The following RRP36 variants were observed in gnomAD, a reference collection of about 807,000 sequenced individuals.
The protein encoded by RRP36 is ribosomal RNA processing protein 36 homolog.
A neutral mutation model predicts 39.8 loss-of-function variants in RRP36; 44 were observed. That is an observed-to-expected ratio of 1.10 (90% CI 0.87 to 1.42). The LOEUF is 1.42. Among genes scored for constraint, RRP36 ranks in the 40% most tolerant of loss-of-function variants. RRP36 has a pLI of 0.00. For synonymous variants in RRP36, 124 were observed against 123.1 expected, an observed-to-expected ratio of 1.01 and a Z score of -0.05; for missense variants, 316 against 322.4, an observed-to-expected ratio of 0.98 and a Z score of 0.15.
intron 1 of RRP36, among the ~76,000 whole-genome samples, chr6:43,024,092 G>A (rs1375137685): frequency 3.9e-5 from 6 of 152,128 alleles, no homozygotes; most frequent in African/African-American, 1.4e-4. Flanking sequence ...GACCTCAGGT[G>A]ATTGATCTGC....
intron 6 of RRP36, 68 bp downstream of exon 6, chr6:43,027,545 T>C (rs1278044501): frequency 1.5e-6 from 2 of 1,308,826 alleles, no homozygotes; most frequent in Non-Finnish European, 2.2e-6. Flanking sequence ...AGTCTTGTGT[T>C]GGGGTGTCCC....
At position 43,025,564 on chromosome 6, in the gene RRP36, A is replaced by G. The variant is rs182439403; in HGVS notation, c.345+235A>G. Among the ~76,000 whole-genome samples the G allele has an allele frequency of 7.9e-3, 1,150 of 145,466 alleles. 8 individuals are homozygous for G. Among genetic ancestry groups the G allele is most frequent in the Non-Finnish European group, 0.013 (894 of 67,068 alleles). On this transcript the variant is annotated intron_variant, in intron 3 of 6. Transcript: ENST00000244496. ...CTTGAACCTGGGAGGTGAAGGTTGCAGTGAGCCAGGATCATGCCACTGCCC... is the reference window on the plus strand; with the variant it reads ...CTTGAACCTGGGAGGTGAAGGTTGCGGTGAGCCAGGATCATGCCACTGCCC...
intron 6 of RRP36, among the ~76,000 whole-genome samples, chr6:43,028,252 C>G: frequency 6.6e-6 from 1 of 151,128 alleles, no homozygotes; most frequent in Non-Finnish European, 1.5e-5. Flanking sequence ...ATCACTTGAG[C>G]CCGGGAGGTG....
intron 1 of RRP36, among the ~76,000 whole-genome samples, 199 bp downstream of exon 1, chr6:43,021,983 C>T (rs1252005050): frequency 6.6e-6 from 1 of 152,116 alleles, no homozygotes; most frequent in Non-Finnish European, 1.5e-5. Context: ...AGTTTCTTCA[C>T]GGCAGGATGA....
At chr6:43,024,861 C>A in intron 1 of RRP36, 124 bp from the exon 2 acceptor site, 2 of 1,182,098 alleles carry the variant, frequency 1.7e-6, no homozygotes, top group African/African-American at 1.5e-5. Flanking sequence ...CTGCCTAGGA[C>A]TTCTAATAAT....
chr6:43,023,819 A>G (rs1308656712), intron 1 of RRP36, among the ~76,000 whole-genome samples: 1 of 152,010 alleles, frequency 6.6e-6, no homozygotes, highest in Non-Finnish European at 1.5e-5. Context: ...TTAAGGTGAT[A>G]GAGGATATGG....
chr6:43,029,263 G>A lies in RRP36; in HGVS notation c.*35G>A. On this transcript the variant is annotated 3_prime_UTR_variant, in exon 7 of 7. Coordinates refer to ENST00000244496, the MANE Select transcript of RRP36 (RefSeq NM_033112.4). ...ATCCTCTGCTCTGCCACTGCCCCAG[G>A]GAGACATGGATCTGTGAGGACAGAT... is the stretch of plus-strand genomic sequence containing the variant. 6.2e-7 allele frequency: 1 copy of A among 1,609,124 alleles called. No homozygotes were observed. The highest frequency in any genetic ancestry group is 8.5e-7 in the Non-Finnish European group (1 of 1,176,074).
intron 1 of RRP36, among the ~76,000 whole-genome samples, chr6:43,023,959 C>T (rs1762770012): frequency 6.6e-6 from 1 of 151,336 alleles, no homozygotes; most frequent in Admixed American, 6.6e-5. Flanking sequence ...CAGGTTCAAG[C>T]TCTTCTCCCG....
intron 1 of RRP36, among the ~76,000 whole-genome samples, chr6:43,022,267 T>A (rs1458413906): frequency 6.6e-6 from 1 of 151,222 alleles, no homozygotes; most frequent in African/African-American, 2.4e-5. Context: ...CCCGGCTAAT[T>A]TTTTGTATTT....
intron 2 of RRP36, 50 bp from the exon 3 acceptor site, chr6:43,025,213 C>G: frequency 6.2e-7 from 1 of 1,612,676 alleles, no homozygotes; most frequent in Non-Finnish European, 8.5e-7. Context: ...GGTGGGAAGC[C>G]TTTGACCAAC....
At chr6:43,028,980 G>A (rs1762866254) in intron 6 of RRP36, 112 bp from the exon 7 acceptor site, 4 of 1,390,604 alleles carry the variant, frequency 2.9e-6, no homozygotes, top group Admixed American at 4.1e-5. Context: ...GCACCAGTGA[G>A]CTTTAAAGAA....
intron 1 of RRP36, among the ~76,000 whole-genome samples, chr6:43,024,492 T>G (rs970781992): frequency 6.6e-6 from 1 of 152,098 alleles, no homozygotes; most frequent in African/African-American, 2.4e-5. Flanking sequence ...GAAGTTTATG[T>G]GTGGGAGTGA....
At chr6:43,021,812 G>A in intron 1 of RRP36, 28 bp downstream of exon 1, 1 of 1,193,564 alleles carries the variant, frequency 8.4e-7, no homozygotes, top group Non-Finnish European at 1.0e-6. Context: ...GGCGGGCTGG[G>A]GAGGGGAAGG....
chr6:43,026,254 TC>T, intron 4 of RRP36, 113 bp downstream of exon 4: 2 of 619,484 alleles, frequency 3.2e-6, no homozygotes, highest in South Asian at 4.1e-5. Flanking sequence ...GATTTAACTC[TC>T]TCCAATTCAG....
rs775423514 is a variant in RRP36 at position 43,029,378 on chromosome 6, A to G, written c.*150A>G. On this transcript the variant is annotated 3_prime_UTR_variant, in exon 7 of 7. Coordinates refer to ENST00000244496, the MANE Select transcript of RRP36 (RefSeq NM_033112.4). Reference sequence around the variant, plus strand: ...GAGAAGACTAGAGGGCTCTTGGACTATCCCTAGGGCTACACAAGAATAGTT... The same window carrying G: ...GAGAAGACTAGAGGGCTCTTGGACTGTCCCTAGGGCTACACAAGAATAGTT... 13 of 819,752 alleles carry G rather than the reference A, an allele frequency of 1.6e-5. No individual in the cohort carries two copies. Among genetic ancestry groups the G allele is most frequent in the Non-Finnish European group, 2.5e-5 (13 of 530,548 alleles). 50.8% of individuals were successfully genotyped at this position (819,752 alleles called of 1,614,324 possible). A position where few individuals can be genotyped will look rare whatever the true frequency, so the allele number is the denominator to read the frequency against.
At position 43,029,178 on chromosome 6, in the gene RRP36, C is replaced by T. The variant is rs528827718; in HGVS notation, c.730C>T (p.Arg244Ter). ...GGAGAACTTCTTGAGTCGAAAGAGG[C>T]GACGAAATGCAGGCAAGGACAGGAG... ...KLENFLSRKR[R>*]RNAGKDRRHL... The change falls in exon 7 of 7, where the codon CGA (arginine) becomes TGA (stop). Residue 244 changes from arginine (R) to a stop codon, truncating the protein, a stop_gained. Transcript: ENST00000244496. LOFTEE classifies it high-confidence loss of function. The T allele has an allele frequency of 5.0e-6, 8 of 1,614,160 alleles. No individual in the cohort carries two copies. Among genetic ancestry groups the T allele is most frequent in the South Asian group, 2.2e-5 (2 of 91,082 alleles).
intron 6 of RRP36, among the ~76,000 whole-genome samples, chr6:43,028,336 AAAAC>A (rs200665236): frequency 0.012 from 1,850 of 151,622 alleles, 34 homozygotes; most frequent in African/African-American, 0.041. Flanking sequence ...TCTCACAGGA[AAAAC>A]AAACAAACAA....
intron 4 of RRP36, 85 bp downstream of exon 4, chr6:43,026,226 G>A (rs2150296598): frequency 1.1e-6 from 1 of 877,674 alleles, no homozygotes; most frequent in Middle Eastern, 3.2e-4. Flanking sequence ...GGGGGAGTGG[G>A]AAGTATAGTG....
At chr6:43,028,025 C>T (rs895903495) in intron 6 of RRP36, among the ~76,000 whole-genome samples, 1 of 152,128 alleles carries the variant, frequency 6.6e-6, no homozygotes, top group African/African-American at 2.4e-5. Context: ...GTACTGAGAT[C>T]ATATAAAAAG....
Sources: gnomAD v4.1 joint callset for allele counts (sites outside exome capture counted in the v4.1 genomes callset) on GRCh38, gnomAD v4.1.1 for gene constraint, MANE v1.5 for transcripts, NCBI Gene and HGNC (gene_info 2026-07-23, HGNC 2026-07-21) for gene names.